Variants in MECR observed in about 807,000 individuals in gnomAD.
MECR encodes the protein enoyl-[acyl-carrier-protein] reductase, mitochondrial.
MECR carries 37 observed loss-of-function variants against 49.1 expected under a neutral mutation model. The ratio of observed to expected loss-of-function variants is 0.75; its 90% CI spans 0.58 to 0.99. The LOEUF is 0.99. Among genes scored for constraint, MECR ranks in the 50% least tolerant of loss-of-function variants. MECR has a pLI of 0.00. For missense variants in MECR, 470 were observed against 479.6 expected (o/e 0.98, Z 0.19); for synonymous variants, 198 against 191.1 (o/e 1.04, Z -0.30).
At position 29,194,119 on chromosome 1, in the gene MECR, G is replaced by T. The variant is rs1329801480; in HGVS notation, c.1025C>A (p.Ala342Asp). 1.9e-6 allele frequency: 3 copies of T among 1,614,036 alleles called. No individual in the cohort carries two copies. The highest frequency in any genetic ancestry group is 2.5e-6 in the Non-Finnish European group (3 of 1,180,000). ...CAGCGGGACCTGGGAGCAGGCAGGG[G>T]CTGTGAGCTGGCCTCGGCGGATGAG... ...CDLIRRGQLTAPACSQVPLQD... is the reference protein window; with the variant it reads ...CDLIRRGQLTDPACSQVPLQD... Residue 342 changes from alanine (A) to aspartate (D), a missense_variant, in exon 10 of 10, where the codon GCC becomes GAC. Physicochemically the swap from Ala to Asp is moderately radical, Grantham distance 126. Coordinates refer to ENST00000263702, the MANE Select transcript of MECR (RefSeq NM_016011.5).
intron 1 of MECR, among the ~76,000 whole-genome samples, chr1:29,229,315 G>T (rs1682885347): frequency 6.6e-6 from 1 of 151,710 alleles, no homozygotes; most frequent in African/African-American, 2.4e-5. Context: ...CGGTTCTCCT[G>T]CCTCAGCCTC....
rs1182883562 is a variant in MECR, at chr1:29,201,825, C to G, written c.756+118G>C. On this transcript the variant is annotated intron_variant, in intron 6 of 9. Coordinates refer to ENST00000263702, the MANE Select transcript of MECR (RefSeq NM_016011.5). This position sits in a 1 kb window ranked among gnomAD's most constrained non-coding sequence, Gnocchi z 4.3. ...GAATGGGCTTTAACCAACCAAGAGGCAAAGGGAGGTTTCCAGAGAGGAACA... is the reference window on the plus strand; with the variant it reads ...GAATGGGCTTTAACCAACCAAGAGGGAAAGGGAGGTTTCCAGAGAGGAACA... The G allele has an allele frequency of 2.2e-6, 2 of 914,640 alleles. No individual in the cohort carries two copies. Among genetic ancestry groups the G allele is most frequent in the East Asian group, 4.8e-5 (2 of 41,734 alleles). 56.7% of individuals were successfully genotyped at this position (914,640 alleles called of 1,614,324 possible). A position where few individuals can be genotyped will look rare whatever the true frequency, so the allele number is the denominator to read the frequency against.
chr1:29,190,492 A>G (rs556452663), downstream of MECR, among the ~76,000 whole-genome samples: 7 of 151,796 alleles, frequency 4.6e-5, no homozygotes, highest in South Asian at 1.5e-3. Flanking sequence ...CAGGCCTGCT[A>G]TATTTTAAAG....
chr1:29,168,012 CT>C, the MECR span, among the ~76,000 whole-genome samples: 273 of 133,310 alleles, frequency 2.0e-3, 2 homozygotes, highest in East Asian at 4.5e-3. Context: ...GTTCTAATTC[CT>C]TTTTTTTTTT....
At chr1:29,203,614 C>A (rs111480288) in intron 4 of MECR, among the ~76,000 whole-genome samples, 8 of 152,280 alleles carry the variant, frequency 5.3e-5, no homozygotes, top group African/African-American at 1.9e-4. Flanking sequence ...TATTGAAATC[C>A]TGTAGATCCT....
At chr1:29,187,167 T>C in the MECR span, among the ~76,000 whole-genome samples, 6 of 152,218 alleles carry the variant, frequency 3.9e-5, no homozygotes, top group South Asian at 1.2e-3. Flanking sequence ...GTTCTGAGAG[T>C]TTCCATGCAC....
Position 29,230,744 on chromosome 1 carries a change from C to A in MECR, c.163G>T (p.Ala55Ser), listed in dbSNP as rs866785367. 6.3e-7 allele frequency: 1 copy of A among 1,584,090 alleles called. No individual in the cohort carries two copies. Among genetic ancestry groups the A allele is most frequent in the East Asian group, 2.3e-5 (1 of 43,766 alleles). The change falls in exon 1 of 10, where the codon GCC (alanine) becomes TCC (serine). Residue 55 changes from alanine (A) to serine (S), a missense_variant. Ala to Ser is a moderately conservative substitution (Grantham distance 99, BLOSUM62 1). Coordinates refer to ENST00000263702, the MANE Select transcript of MECR (RefSeq NM_016011.5). The stretch of plus-strand genomic sequence containing the variant: ...GCCGTCTCTTACTCGACGACCTTGG[C>A]TGGATCCCCGTGGTGCCCATAGACA... ...ALVYGHHGDP[A>S]KVVELKNLEL... is the part of the protein sequence containing the mutation.
intron 5 of MECR, 73 bp downstream of exon 5, chr1:29,203,058 C>T (rs1055497083): frequency 6.2e-6 from 8 of 1,282,034 alleles, no homozygotes; most frequent in African/African-American, 1.5e-5. Context: ...TGGTGGACAA[C>T]TGGGCACCGC....
rs367673100 is a variant in MECR, at chr1:29,206,831, C to T, written c.481G>A (p.Ala161Thr). 1.2e-5 allele frequency: 19 copies of T among 1,614,048 alleles called. No homozygotes were observed. The highest frequency in any genetic ancestry group is 4.5e-5 in the East Asian group (2 of 44,884). The change falls in exon 4 of 10, where the codon GCT becomes ACT. Residue 161 changes from alanine to threonine, a missense_variant. Coordinates refer to ENST00000263702, the MANE Select transcript of MECR (RefSeq NM_016011.5). ...QVPSDIPLQSAATLGVNPCTA... is the reference protein window; with the variant it reads ...QVPSDIPLQSTATLGVNPCTA... The stretch of plus-strand genomic sequence containing the variant: ...CAGGGATTGACACCCAGGGTGGCAG[C>T]GCTCTGAAGAGGGATGTCACTCGGA...
chr1:29,170,753 GCT>G, the MECR span: 1 of 151,982 alleles, frequency 6.6e-6, no homozygotes, highest in African/African-American at 2.4e-5. Flanking sequence ...TGAGCCTCCT[GCT>G]CTGTCTGCCC....
intron 1 of MECR, among the ~76,000 whole-genome samples, chr1:29,221,518 C>T (rs1388241641): frequency 6.6e-6 from 1 of 152,156 alleles, no homozygotes; most frequent in Non-Finnish European, 1.5e-5. Context: ...TGCATAAGAG[C>T]CAGGAGAATG....
intron 9 of MECR, among the ~76,000 whole-genome samples, chr1:29,194,684 G>A (rs1265032479): frequency 6.6e-6 from 1 of 152,190 alleles, no homozygotes; most frequent in African/African-American, 2.4e-5. Flanking sequence ...CCCTTCCTGG[G>A]CCTGCCTCCT....
In MECR at chr1:29,200,708, G is replaced by A. The variant is rs1574290614; in HGVS notation, c.757-119C>T. ...ATGAGATGTTTATGCCTTTGTTTGC[G>A]TGCACGTACTTATGTATATGTGTGT... On this transcript the variant is annotated intron_variant, in intron 6 of 9. Transcript: ENST00000263702. 1.0e-5 allele frequency: 8 copies of A among 767,576 alleles called. 1 individual carries two copies. In the East Asian group the frequency reaches 1.4e-4, roughly 13 times the overall value. 47.5% of individuals were successfully genotyped at this position (767,576 alleles called of 1,614,324 possible). A position where few individuals can be genotyped will look rare whatever the true frequency, so the allele number is the denominator to read the frequency against.
chr1:29,195,618 C>T (rs1673778774), intron 9 of MECR, among the ~76,000 whole-genome samples: 2 of 152,236 alleles, frequency 1.3e-5, no homozygotes, highest in Non-Finnish European at 2.9e-5. Flanking sequence ...GGCAGAACCT[C>T]TATCCAGTAG....
chr1:29,196,292 A>G (rs771839537), intron 7 of MECR, 34 bp from the exon 8 acceptor site: 3 of 1,587,170 alleles, frequency 1.9e-6, no homozygotes, highest in Admixed American at 1.7e-5. Flanking sequence ...GAGTGGATGC[A>G]AGGCAGAGAC....
chr1:29,175,418 G>A, the MECR span, among the ~76,000 whole-genome samples: 719 of 147,102 alleles, frequency 4.9e-3, 4 homozygotes, highest in Admixed American at 0.013. Context: ...ATTTCCGGCC[G>A]GGCGTGGTGG....
chr1:29,218,662 G>A (rs1680047220), intron 1 of MECR, among the ~76,000 whole-genome samples: 2 of 152,218 alleles, frequency 1.3e-5, no homozygotes, highest in Non-Finnish European at 2.9e-5. Context: ...CACGAGGTCA[G>A]GAGGTCGAGA....
the MECR span, among the ~76,000 whole-genome samples, chr1:29,185,606 G>C: frequency 3.3e-5 from 5 of 152,140 alleles, no homozygotes; most frequent in African/African-American, 9.7e-5. Context: ...GTAGAGATGG[G>C]GTTTCTCCAC....
intron 7 of MECR, among the ~76,000 whole-genome samples, chr1:29,199,927 T>A (rs932799456): frequency 2.1e-4 from 32 of 151,016 alleles, no homozygotes; most frequent in Middle Eastern, 6.9e-3. Context: ...AAAAAAAAAA[T>A]TAATTTTTTT....
Sources: gnomAD v4.1 joint callset for allele counts (sites outside exome capture counted in the v4.1 genomes callset) on GRCh38, gnomAD v4.1.1 for gene constraint, Gnocchi (gnomAD v3.1) non-coding constraint, MANE v1.5 for transcripts, NCBI Gene and HGNC (gene_info 2026-07-23, HGNC 2026-07-21) for gene names.